Variants in PRRC2B observed in about 807,000 individuals in gnomAD.
PRRC2B encodes protein PRRC2B.
A neutral mutation model predicts 242.3 loss-of-function variants in PRRC2B; 68 were observed. The observed-to-expected ratio is 0.28, with a 90% CI of 0.23 to 0.34. The LOEUF is 0.34. Ranked by LOEUF, PRRC2B falls within the 10% of genes least tolerant of loss-of-function variation. The probability of loss-of-function intolerance (pLI) is 1.00; values close to 1 mark genes in which losing one functional copy is unlikely to be tolerated. For missense variants in PRRC2B, 2,835 were observed against 2,954.8 expected (o/e 0.96, Z 0.94); for synonymous variants, 1,228 against 1,173.6 (o/e 1.05, Z -0.95).
chr9:131,424,904 GTAGA>G (rs1837938900), intron 1 of PRRC2B, among the ~76,000 whole-genome samples: 1 of 152,176 alleles, frequency 6.6e-6, no homozygotes, highest in Non-Finnish European at 1.5e-5. Flanking sequence ...AGGAATAGTT[GTAGA>G]CAGACTGACA....
In PRRC2B at chr9:131,496,442, C is replaced by T. The variant is rs1944337647; in HGVS notation, c.*568C>T. On this transcript the variant is annotated 3_prime_UTR_variant, in exon 32 of 32. Coordinates refer to ENST00000683519, the MANE Select transcript of PRRC2B (RefSeq NM_013318.4). The stretch of plus-strand genomic sequence containing the variant: ...CTCTGTCCTGTTTAGTTTGATACGT[C>T]ACTGCAGTACCTTAAGAGGTGACTC... 6.5e-6 allele frequency: 1 copy of T among 152,692 alleles called. No homozygotes were observed. Among genetic ancestry groups the T allele is most frequent in the African/African-American group, 2.4e-5 (1 of 41,462 alleles). 9.5% of individuals were successfully genotyped at this position (152,692 alleles called of 1,614,324 possible).
chr9:131,430,519 ATAGATAGATATCTAT>A (rs1369697728), intron 2 of PRRC2B, among the ~76,000 whole-genome samples: 2 of 18,416 alleles, frequency 1.1e-4, no homozygotes, highest in Non-Finnish European at 2.7e-4. Flanking sequence ...CTATAGATAG[ATAGATAGATATCTAT>A]CTATAGATAT....
At chr9:131,449,052 T>TA (rs1014190618) in intron 9 of PRRC2B, among the ~76,000 whole-genome samples, 1 of 152,230 alleles carries the variant, frequency 6.6e-6, no homozygotes, top group African/African-American at 2.4e-5. Flanking sequence ...AGTGGAGTCA[T>TA]ACAGTTTTTA....
chr9:131,476,524 G>C lies in PRRC2B; in HGVS notation c.4395G>C (p.Leu1465Phe). The change falls in exon 16 of 32, where the codon TTG becomes TTC. Residue 1465 changes from leucine (L) to phenylalanine (F), a missense_variant. Physicochemically the swap from Leu to Phe is conservative, Grantham distance 22. Around this residue, in one of 7 missense-constraint regions of PRRC2B, gnomAD observed 1,536 missense variants for 1,483.1 expected, o/e 1.04. Transcript: ENST00000683519. ...RYESQQNGTPLKVKRSPDEAL... is the reference protein window; with the variant it reads ...RYESQQNGTPFKVKRSPDEAL... ...AGAGCCAACAGAATGGGACGCCTTT[G>C]AAAGTGAAAAGGTAAAACCAGACAC... The C allele has an allele frequency of 2.5e-6, 4 of 1,591,132 alleles. No homozygotes were observed. The highest frequency in any genetic ancestry group is 3.4e-6 in the Non-Finnish European group (4 of 1,168,756).
rs1838819166 is a variant in PRRC2B, at chr9:131,446,884, T to C, written c.856-201T>C. Among the ~76,000 whole-genome samples the C allele has an allele frequency of 1.3e-5, 2 of 152,188 alleles. No individual in the cohort carries two copies. The highest frequency in any genetic ancestry group is 4.1e-4 in the South Asian group (2 of 4,830). On this transcript the variant is annotated intron_variant, in intron 7 of 31. Transcript: ENST00000683519. The surrounding 1 kb of genome is among the most constrained non-coding windows in gnomAD (Gnocchi z 4.1). ...TTCTTTAGAAACAGGAGAGGCAGGT[T>C]TTCCCTGACATAGGTCCCCAAGTCT...
intron 19 of PRRC2B, 101 bp downstream of exon 19, chr9:131,479,494 T>C (rs905054868): frequency 5.2e-6 from 6 of 1,151,880 alleles, no homozygotes; most frequent in African/African-American, 1.5e-5. Context: ...CGAATATAGA[T>C]GGAATACAGA....
chr9:131,498,721 T>TG lies in PRRC2B; in HGVS notation c.*2853dup, dbSNP rs950265697. The TG allele has an allele frequency of 6.6e-6, 1 of 152,200 alleles. No individual in the cohort carries two copies. The highest frequency in any genetic ancestry group is 1.5e-5 in the Non-Finnish European group (1 of 68,062). 9.4% of individuals were successfully genotyped at this position (152,200 alleles called of 1,614,324 possible). On this transcript the variant is annotated 3_prime_UTR_variant, in exon 32 of 32. Coordinates refer to ENST00000683519, the MANE Select transcript of PRRC2B (RefSeq NM_013318.4). ...CCTTTCCTGCTGCTGAGGTAGGGAT[T>TG]GGGGGGTCAGAACCCACTCACTTTT...
intron 1 of PRRC2B, among the ~76,000 whole-genome samples, chr9:131,408,095 G>A (rs181606905): frequency 1.3e-5 from 2 of 152,326 alleles, no homozygotes; most frequent in African/African-American, 4.8e-5. Context: ...ACAGCTAGAG[G>A]GGGTGGGAAG....
intron 6 of PRRC2B, among the ~76,000 whole-genome samples, chr9:131,444,771 A>G (rs1838733322): frequency 6.6e-6 from 1 of 152,000 alleles, no homozygotes; most frequent in Non-Finnish European, 1.5e-5. Flanking sequence ...TTTTTAACCC[A>G]TTCCTCTGGG....
chr9:131,382,139 C>T (rs567585610), intron 1 of PRRC2B, among the ~76,000 whole-genome samples: 1 of 152,140 alleles, frequency 6.6e-6, no homozygotes, highest in Non-Finnish European at 1.5e-5. Flanking sequence ...GCCTCAGCTG[C>T]CCAAGTAGCT....
Position 131,494,110 on chromosome 9 carries a change from G to T in PRRC2B, c.6474-295G>T, listed in dbSNP as rs1282727679. 6.6e-6 allele frequency among the ~76,000 whole-genome samples: 1 copy of T among 152,206 alleles called. No individual in the cohort carries two copies. The highest frequency in any genetic ancestry group is 1.5e-5 in the Non-Finnish European group (1 of 68,042). ...GCCAGTGTCGCTTTCTGCACAGCAGGACAGCCATGCCCATCTGTACAGGGC... is the reference window on the plus strand; with the variant it reads ...GCCAGTGTCGCTTTCTGCACAGCAGTACAGCCATGCCCATCTGTACAGGGC... On this transcript the variant is annotated intron_variant, in intron 30 of 31. Coordinates refer to ENST00000683519, the MANE Select transcript of PRRC2B (RefSeq NM_013318.4). The surrounding 1 kb of genome is among the most constrained non-coding windows in gnomAD (Gnocchi z 4.3).
intron 1 of PRRC2B, among the ~76,000 whole-genome samples, chr9:131,426,304 C>T (rs1003260094): frequency 1.4e-5 from 2 of 141,620 alleles, no homozygotes; most frequent in Non-Finnish European, 1.5e-5. Flanking sequence ...TGCCACTGCA[C>T]TCCAGCCTGA....
chr9:131,453,796 C>T (rs1424346519), intron 9 of PRRC2B, among the ~76,000 whole-genome samples: 7 of 152,120 alleles, frequency 4.6e-5, no homozygotes, highest in South Asian at 2.1e-4. Flanking sequence ...CCTCCCAAAG[C>T]GCTGGGATTA....
intron 5 of PRRC2B, 88 bp downstream of exon 5, chr9:131,439,149 C>G: frequency 1.8e-6 from 2 of 1,126,186 alleles, no homozygotes; most frequent in Non-Finnish European, 2.6e-6. Flanking sequence ...GGTCTAGGCA[C>G]CCAGAAGCTT....
chr9:131,419,199 G>A (rs1837734006), intron 1 of PRRC2B, among the ~76,000 whole-genome samples: 1 of 152,186 alleles, frequency 6.6e-6, no homozygotes, highest in South Asian at 2.1e-4. Context: ...GGGCAGTTTA[G>A]TGTGGTTTAA....
At chr9:131,419,205 T>A (rs1341221685) in intron 1 of PRRC2B, among the ~76,000 whole-genome samples, 1 of 152,092 alleles carries the variant, frequency 6.6e-6, no homozygotes, top group Non-Finnish European at 1.5e-5. Flanking sequence ...TTTAGTGTGG[T>A]TTAAATTAGT....
At position 131,488,500 on chromosome 9, in the gene PRRC2B, G is replaced by A. The variant is rs142989890; in HGVS notation, c.6225+404G>A. 7.3e-3 allele frequency among the ~76,000 whole-genome samples: 1,106 copies of A among 152,248 alleles called. 18 individuals are homozygous for A. The highest frequency in any genetic ancestry group is 0.025 in the African/African-American group (1,020 of 41,558). On this transcript the variant is annotated intron_variant, in intron 28 of 31. Coordinates refer to ENST00000683519, the MANE Select transcript of PRRC2B (RefSeq NM_013318.4). ...GGTCTCGAACCCCTGACCTCAAAGT[G>A]ATCTGCCCGCCTTGGCCTCCCAAAG... is the stretch of plus-strand genomic sequence containing the variant.
chr9:131,448,021 C>G (rs1838860939), intron 9 of PRRC2B: 1 of 421,868 alleles, frequency 2.4e-6, no homozygotes, highest in Non-Finnish European at 4.1e-6. Flanking sequence ...GGTCTTTAGT[C>G]TTGATCTTAG....
At chr9:131,484,624 G>GT in intron 23 of PRRC2B, 62 bp from the exon 24 acceptor site, 1 of 1,386,056 alleles carries the variant, frequency 7.2e-7, no homozygotes, top group Non-Finnish European at 1.0e-6. Context: ...CCATGGATGG[G>GT]TTTGGGCAAA....
Sources: allele counts gnomAD v4.1 joint callset (sites outside exome capture counted in the v4.1 genomes callset), GRCh38; gene constraint gnomAD v4.1.1; regional missense constraint gnomAD v4.1.1; non-coding constraint Gnocchi (gnomAD v3.1); transcripts MANE v1.5; gene names NCBI Gene and HGNC (gene_info 2026-07-23, HGNC 2026-07-21).